AKAP7: variants seen among roughly 807,000 people sequenced by gnomAD.
The protein encoded by AKAP7 is A kinase (PRKA) anchor protein 7.
AKAP7 carries 39 observed loss-of-function variants against 39.5 expected under a neutral mutation model. The observed-to-expected ratio is 0.99, with a 90% CI of 0.76 to 1.29. The LOEUF is 1.29. AKAP7 is among the 50% of genes most tolerant of loss of function. AKAP7 has a pLI of 0.00. For synonymous variants in AKAP7, 140 were observed against 139.1 expected (o/e 1.01, Z -0.05); for missense variants, 414 against 407.7 (o/e 1.02, Z -0.13).
At chr6:131,198,494 T>G (rs1807180062) in intron 5 of AKAP7, among the ~76,000 whole-genome samples, 1 of 152,158 alleles carries the variant, frequency 6.6e-6, no homozygotes, top group African/African-American at 2.4e-5. Context: ...TTTTGTTTGT[T>G]TTTTTGTTTG....
intron 1 of AKAP7, among the ~76,000 whole-genome samples, chr6:131,139,780 A>G (rs1345440805): frequency 6.6e-6 from 1 of 152,236 alleles, no homozygotes; most frequent in Non-Finnish European, 1.5e-5. Context: ...AACTTCGACT[A>G]TGGTGACGAC....
chr6:131,278,181 G>T (rs117878569), intron 7 of AKAP7, among the ~76,000 whole-genome samples: 139 of 152,232 alleles, frequency 9.1e-4, no homozygotes, highest in African/African-American at 3.2e-3. Context: ...GTTAGCAGAG[G>T]GAGAGAACTG....
chr6:131,235,760 GT>G (rs1267974087), intron 7 of AKAP7, among the ~76,000 whole-genome samples: 1 of 152,096 alleles, frequency 6.6e-6, no homozygotes, highest in African/African-American at 2.4e-5. Flanking sequence ...GGGGTTGTTT[GT>G]TTTTTTCTTG....
chr6:131,191,280 G>C (rs555929442), intron 5 of AKAP7, among the ~76,000 whole-genome samples: 3 of 152,254 alleles, frequency 2.0e-5, no homozygotes, highest in African/African-American at 7.2e-5. Context: ...TCAACATGAG[G>C]TTCTTTTAAA....
chr6:131,258,620 T>G (rs1813054470), intron 7 of AKAP7, among the ~76,000 whole-genome samples: 1 of 152,158 alleles, frequency 6.6e-6, no homozygotes, highest in Non-Finnish European at 1.5e-5. Context: ...AATAAATCTT[T>G]CAGTTGCATG....
In AKAP7 at chr6:131,184,315, G is replaced by A. The variant is rs77971987; in HGVS notation, c.589+15042G>A. 2.4e-3 allele frequency: 1,484 copies of A among 616,952 alleles called. 14 individuals carry two copies. In the African/African-American group the frequency reaches 0.025, roughly 11 times the overall value. 38.2% of individuals were successfully genotyped at this position (616,952 alleles called of 1,614,324 possible). A position where few individuals can be genotyped will look rare whatever the true frequency, so the allele number is the denominator to read the frequency against. ...CCTTAGATATGTCGGGGAGCAGGGGGGTGGCTATATCAAGAGGAGTTCTTG... is the reference window on the plus strand; with the variant it reads ...CCTTAGATATGTCGGGGAGCAGGGGAGTGGCTATATCAAGAGGAGTTCTTG... On this transcript the variant is annotated intron_variant, in intron 5 of 7. Coordinates refer to ENST00000431975, the MANE Select transcript of AKAP7 (RefSeq NM_016377.4).
chr6:131,196,893 T>G (rs1806987856), intron 5 of AKAP7, among the ~76,000 whole-genome samples: 3 of 152,158 alleles, frequency 2.0e-5, no homozygotes, highest in Non-Finnish European at 2.9e-5. Flanking sequence ...ATTTTATGTT[T>G]TAATTTTTTT....
intron 7 of AKAP7, among the ~76,000 whole-genome samples, chr6:131,241,710 A>G (rs1303611951): frequency 6.6e-6 from 1 of 151,558 alleles, no homozygotes; most frequent in Non-Finnish European, 1.5e-5. Flanking sequence ...GCTGAAGGTT[A>G]CCTGGGAAAC....
In AKAP7 at chr6:131,275,968, G is replaced by T. The variant is rs1235242391; in HGVS notation, c.851-5562G>T. On this transcript the variant is annotated intron_variant, in intron 7 of 7. Coordinates refer to ENST00000431975, the MANE Select transcript of AKAP7 (RefSeq NM_016377.4). Reference sequence around the variant, plus strand: ...CCTGTTGAGACTCTGTCTCCCCTTTGTTTCTTCTCTCAAGGCTACTCTTGA... The same window carrying T: ...CCTGTTGAGACTCTGTCTCCCCTTTTTTTCTTCTCTCAAGGCTACTCTTGA... Among the ~76,000 whole-genome samples, 3 of 152,142 alleles carry T rather than the reference G, an allele frequency of 2.0e-5. No individual in the cohort carries two copies. In the East Asian group the frequency reaches 5.8e-4, roughly 29 times the overall value.
intron 7 of AKAP7, among the ~76,000 whole-genome samples, chr6:131,249,797 A>G (rs1257536283): frequency 2.0e-5 from 3 of 152,144 alleles, no homozygotes; most frequent in Admixed American, 1.3e-4. Context: ...TGATGCATCT[A>G]TATTTGGGTA....
intron 2 of AKAP7, among the ~76,000 whole-genome samples, chr6:131,154,540 A>G (rs1802249729): frequency 6.6e-6 from 1 of 151,374 alleles, no homozygotes; most frequent in Non-Finnish European, 1.5e-5. Context: ...AAATAGGAAA[A>G]GAAGCCTCAT....
At chr6:131,264,170 A>G (rs2128328732) in intron 7 of AKAP7, among the ~76,000 whole-genome samples, 1 of 152,322 alleles carries the variant, frequency 6.6e-6, no homozygotes, top group African/African-American at 2.4e-5. Flanking sequence ...TTGATTGTAC[A>G]AGGAAGGTGA....
chr6:131,267,097 G>GT (rs1388929803), intron 7 of AKAP7, among the ~76,000 whole-genome samples: 1 of 152,114 alleles, frequency 6.6e-6, no homozygotes, highest in Non-Finnish European at 1.5e-5. Flanking sequence ...AGTCAGCTGA[G>GT]TTAAAGATTG....
chr6:131,279,895 A>C (rs553165064), intron 7 of AKAP7, among the ~76,000 whole-genome samples: 2 of 152,360 alleles, frequency 1.3e-5, no homozygotes, highest in South Asian at 4.1e-4. Context: ...GGGAAGAGTC[A>C]TTATACAAAC....
intron 7 of AKAP7, among the ~76,000 whole-genome samples, chr6:131,255,106 C>T (rs1354530581): frequency 6.6e-6 from 1 of 152,172 alleles, no homozygotes; most frequent in East Asian, 1.9e-4. Flanking sequence ...ATACTTTGCT[C>T]TTCTCATTTG....
At chr6:131,253,653 G>A (rs575038493) in intron 7 of AKAP7, among the ~76,000 whole-genome samples, 20 of 137,822 alleles carry the variant, frequency 1.5e-4, no homozygotes, top group African/African-American at 4.2e-4. Context: ...ATCTCCATGA[G>A]ATCTACTTAT....
chr6:131,141,899 CTTTTTT>C (rs773131426), intron 1 of AKAP7, among the ~76,000 whole-genome samples: 1 of 116,232 alleles, frequency 8.6e-6, no homozygotes, highest in Non-Finnish European at 1.9e-5. Context: ...TTCTTTCTTT[CTTTTTT>C]TTTTTTTTTT....
intron 6 of AKAP7, 96 bp from the exon 7 acceptor site, chr6:131,219,562 TGTA>T: frequency 9.3e-7 from 1 of 1,077,670 alleles, no homozygotes; most frequent in South Asian, 1.6e-5. Flanking sequence ...GGTGTAACAA[TGTA>T]GTAATGTAAT....
chr6:131,145,175 C>T, intron 1 of AKAP7, 110 bp from the exon 2 acceptor site: 1 of 718,636 alleles, frequency 1.4e-6, no homozygotes, highest in Non-Finnish European at 1.9e-6. Flanking sequence ...CATTTCTTAA[C>T]AGATGTTAAT....
Sources: allele counts gnomAD v4.1 joint callset (sites outside exome capture counted in the v4.1 genomes callset), GRCh38; gene constraint gnomAD v4.1.1; transcripts MANE v1.5; gene names NCBI Gene and HGNC (gene_info 2026-07-23, HGNC 2026-07-21).